CDC42SE2: variants seen among roughly 807,000 people sequenced by gnomAD.
CDC42SE2 encodes CDC42 small effector protein 2.
CDC42SE2 carries 3 observed loss-of-function variants against 11.5 expected under a neutral mutation model. The observed-to-expected ratio is 0.26, with a 90% CI of 0.12 to 0.67. The LOEUF (loss-of-function observed/expected upper bound fraction) is 0.67, where lower values mean the gene tolerates loss of function less well. Ranked by LOEUF, CDC42SE2 falls within the 30% of genes least tolerant of loss-of-function variation. The pLI, the probability that CDC42SE2 is intolerant of heterozygous loss-of-function variation, is 0.80. For missense variants in CDC42SE2, 82 were observed against 106.8 expected, an observed-to-expected ratio of 0.77 and a Z score of 1.02; for synonymous variants, 33 against 34.8, an observed-to-expected ratio of 0.95 and a Z score of 0.18.
rs114479996 is a variant in CDC42SE2 at position 131,336,912 on chromosome 5, C to T, written c.-286+20768C>T. ...GTTTTTAACTTCCTTGCCATTCGTTCGAACTTCCTCCGTTAGCACAGAGTA... is the reference window on the plus strand; with the variant it reads ...GTTTTTAACTTCCTTGCCATTCGTTTGAACTTCCTCCGTTAGCACAGAGTA... On this transcript the variant is annotated intron_variant, in intron 2 of 4. Transcript: ENST00000505065. Among the ~76,000 whole-genome samples the T allele has an allele frequency of 7.3e-3, 1,107 of 152,208 alleles. 12 individuals carry two copies. The highest frequency in any genetic ancestry group is 0.023 in the African/African-American group (954 of 41,546).
In CDC42SE2 at chr5:131,385,588, A is replaced by G. The variant is rs753181871; in HGVS notation, c.100A>G (p.Asn34Asp). Residue 34 changes from asparagine (N) to aspartate (D), a missense_variant, in exon 4 of 5, where the codon AAC becomes GAC. Asn to Asp is a conservative substitution (Grantham distance 23). Transcript: ENST00000505065. Reference sequence around the variant, plus strand: ...CAGAAGTATGATTGGAGAGCCCACAAACTTTGTGCATACAGCTCATGTTGG... The same window carrying G: ...CAGAAGTATGATTGGAGAGCCCACAGACTTTGTGCATACAGCTCATGTTGG... ...IDRSMIGEPT[N>D]FVHTAHVGSG... 2 of 1,613,974 alleles carry G rather than the reference A, an allele frequency of 1.2e-6. No individual in the cohort carries two copies. The highest frequency in any genetic ancestry group is 1.7e-6 in the Non-Finnish European group (2 of 1,179,872).
At chr5:131,289,384 T>C (rs1311696523) in intron 1 of CDC42SE2, among the ~76,000 whole-genome samples, 1 of 152,136 alleles carries the variant, frequency 6.6e-6, no homozygotes, top group Non-Finnish European at 1.5e-5. Flanking sequence ...CAAGAGTTTG[T>C]AGCATAGGCC....
upstream of CDC42SE2, among the ~76,000 whole-genome samples, chr5:131,260,838 G>A (rs1040742271): frequency 6.6e-6 from 1 of 152,036 alleles, no homozygotes; most frequent in Non-Finnish European, 1.5e-5. Context: ...GGAAGCTGAG[G>A]CAGGAGAATC....
At chr5:131,348,228 T>C (rs1224205505) in intron 2 of CDC42SE2, among the ~76,000 whole-genome samples, 1 of 152,192 alleles carries the variant, frequency 6.6e-6, no homozygotes, top group Non-Finnish European at 1.5e-5. Flanking sequence ...GATGACATGA[T>C]TGTATATCTA....
intron 1 of CDC42SE2, among the ~76,000 whole-genome samples, chr5:131,271,924 C>T (rs1314662150): frequency 6.6e-6 from 1 of 152,160 alleles, no homozygotes; most frequent in Non-Finnish European, 1.5e-5. Flanking sequence ...GGAAAACACA[C>T]CCAAGCTGAC....
chr5:131,307,024 A>G (rs892928094), intron 1 of CDC42SE2, among the ~76,000 whole-genome samples: 4 of 151,968 alleles, frequency 2.6e-5, no homozygotes, highest in African/African-American at 9.7e-5. Flanking sequence ...AGATCATGTC[A>G]TCAGCAAACA....
At chr5:131,222,497 A>C in the CDC42SE2 span, among the ~76,000 whole-genome samples, 3 of 152,242 alleles carry the variant, frequency 2.0e-5, no homozygotes, top group African/African-American at 7.2e-5. Flanking sequence ...CATGTTAGCT[A>C]TTCTTTGCAT....
At chr5:131,386,755 CTAAAG>C (rs1750499243) in intron 4 of CDC42SE2, among the ~76,000 whole-genome samples, 1 of 152,162 alleles carries the variant, frequency 6.6e-6, no homozygotes, top group African/African-American at 2.4e-5. Context: ...TTCCCCATGC[CTAAAG>C]TAAACAAGTA....
chr5:131,385,769 CATA>C (rs1750463302), intron 4 of CDC42SE2, 125 bp downstream of exon 4: 1 of 541,648 alleles, frequency 1.8e-6, no homozygotes, highest in African/African-American at 1.9e-5. Context: ...AATGTAAATA[CATA>C]ATATGAGCAT....
At chr5:131,340,759 A>G (rs1364402496) in intron 2 of CDC42SE2, among the ~76,000 whole-genome samples, 1 of 151,220 alleles carries the variant, frequency 6.6e-6, no homozygotes, top group Non-Finnish European at 1.5e-5. Context: ...ATCTTAGTCC[A>G]TTGCAGCCTC....
rs539772635 is a variant in CDC42SE2 at position 131,287,593 on chromosome 5, G to A, written c.-455+23427G>A. Reference sequence around the variant, plus strand: ...TTCTCCCACCTCAGCCTCCCAAGTCGGTGGGACTATAGGTGTGTGCCACCA... The same window carrying A: ...TTCTCCCACCTCAGCCTCCCAAGTCAGTGGGACTATAGGTGTGTGCCACCA... On this transcript the variant is annotated intron_variant, in intron 1 of 4. Coordinates refer to ENST00000505065, the MANE Select transcript of CDC42SE2 (RefSeq NM_001375635.1). Among the ~76,000 whole-genome samples the A allele has an allele frequency of 1.4e-4, 21 of 151,620 alleles. No homozygotes were observed. In the South Asian group the frequency reaches 4.2e-3, roughly 30 times the overall value.
intron 1 of CDC42SE2, among the ~76,000 whole-genome samples, chr5:131,278,151 A>AT (rs769792661): frequency 6.6e-4 from 100 of 152,098 alleles, no homozygotes; most frequent in Non-Finnish European, 1.1e-3. Flanking sequence ...ACGCTAGCCA[A>AT]TTTTTTATTT....
chr5:131,253,956 A>G (rs961670136), intron 1 of CDC42SE2, among the ~76,000 whole-genome samples: 8 of 152,106 alleles, frequency 5.3e-5, no homozygotes, highest in African/African-American at 1.9e-4. Flanking sequence ...TTCTGAGTCC[A>G]CTTTAGGAGA....
At chr5:131,319,600 T>C (rs1009781145) in intron 2 of CDC42SE2, among the ~76,000 whole-genome samples, 1 of 152,128 alleles carries the variant, frequency 6.6e-6, no homozygotes, top group Non-Finnish European at 1.5e-5. Flanking sequence ...AAAGAATACT[T>C]AGAAACTGAC....
chr5:131,384,021 A>G (rs191796551), intron 3 of CDC42SE2, among the ~76,000 whole-genome samples: 2 of 152,372 alleles, frequency 1.3e-5, no homozygotes, highest in African/African-American at 2.4e-5. Flanking sequence ...ACATGGAGCA[A>G]TTATCAAGGA....
chr5:131,348,012 T>G (rs1287628336), intron 2 of CDC42SE2, among the ~76,000 whole-genome samples: 1 of 152,184 alleles, frequency 6.6e-6, no homozygotes, highest in Admixed American at 6.5e-5. Flanking sequence ...ATAAGAGTTA[T>G]CTATGACACA....
At chr5:131,241,001 C>T (rs1019497570), upstream of CDC42SE2, among the ~76,000 whole-genome samples, 4 of 151,166 alleles carry the variant, frequency 2.6e-5, 1 homozygote, top group South Asian at 6.3e-4. Context: ...TTTTTTGAGA[C>T]GGAGTCTTGC....
chr5:131,217,829 T>C, the CDC42SE2 span, among the ~76,000 whole-genome samples: 4 of 152,188 alleles, frequency 2.6e-5, no homozygotes, highest in East Asian at 7.7e-4. Flanking sequence ...TATATCTGAT[T>C]TGTGTCCAGA....
At chr5:131,301,352 A>C (rs370480733) in intron 1 of CDC42SE2, among the ~76,000 whole-genome samples, 3 of 152,034 alleles carry the variant, frequency 2.0e-5, no homozygotes, top group Non-Finnish European at 4.4e-5. Context: ...CAACACAAAG[A>C]AATGATAAAT....
Sources: gnomAD v4.1 joint callset for allele counts (sites outside exome capture counted in the v4.1 genomes callset) on GRCh38, gnomAD v4.1.1 for gene constraint, MANE v1.5 for transcripts, NCBI Gene and HGNC (gene_info 2026-07-23, HGNC 2026-07-21) for gene names.